CTNNA3: variants seen among roughly 807,000 people sequenced by gnomAD.
CTNNA3 encodes the protein catenin alpha 3.
In CTNNA3, 76 loss-of-function variants were observed where a neutral mutation model predicts 95.7. The ratio of observed to expected loss-of-function variants is 0.79; its 90% confidence interval spans 0.66 to 0.96. The LOEUF (loss-of-function observed/expected upper bound fraction) is 0.96. Ranked by LOEUF, CTNNA3 falls within the 40% of genes least tolerant of loss-of-function variation. The pLI is 0.00. For missense variants in CTNNA3, 1,191 were observed against 1,089.8 expected, an observed-to-expected ratio of 1.09 and a Z score of -1.31; for synonymous variants, 431 against 374.4, an observed-to-expected ratio of 1.15 and a Z score of -1.74.
At chr10:66,676,860 A>G (rs1052733968) in intron 9 of CTNNA3, among the ~76,000 whole-genome samples, 19 of 152,094 alleles carry the variant, frequency 1.2e-4, no homozygotes, top group African/African-American at 4.6e-4. Context: ...TTTTTCTACA[A>G]TGTCATAAAT....
At chr10:67,559,859 A>C (rs960593652) in intron 3 of CTNNA3, among the ~76,000 whole-genome samples, 2 of 152,232 alleles carry the variant, frequency 1.3e-5, no homozygotes, top group Non-Finnish European at 2.9e-5. Context: ...TCAGGAGCCG[A>C]TGCGATCAAC....
chr10:66,409,108 T>A (rs892181506), intron 11 of CTNNA3, among the ~76,000 whole-genome samples: 1 of 152,188 alleles, frequency 6.6e-6, no homozygotes, highest in Non-Finnish European at 1.5e-5. Flanking sequence ...TCTACATATC[T>A]CTCATATTCC....
rs376415558 is a variant in CTNNA3 at position 67,429,584 on chromosome 10, T to C, written c.579+92258A>G. ...CAACATTCCAAAATAGTCTGATCATTATTTATTTCCATTTGTATTTGCTAG... is the reference window on the plus strand; with the variant it reads ...CAACATTCCAAAATAGTCTGATCATCATTTATTTCCATTTGTATTTGCTAG... On this transcript the variant is annotated intron_variant, in intron 5 of 17. Coordinates refer to ENST00000433211, the MANE Select transcript of CTNNA3 (RefSeq NM_013266.4). Among the ~76,000 whole-genome samples, 7 of 151,182 alleles carry C rather than the reference T, an allele frequency of 4.6e-5. No individual in the cohort carries two copies. In the East Asian group the frequency reaches 1.2e-3, roughly 26 times the overall value.
At chr10:66,916,550 T>TC (rs1362161154) in intron 7 of CTNNA3, among the ~76,000 whole-genome samples, 1 of 152,188 alleles carries the variant, frequency 6.6e-6, no homozygotes, top group African/African-American at 2.4e-5. Context: ...CTTAATACTT[T>TC]CCATTTCTCA....
rs78585872 is a variant in CTNNA3 at position 66,228,663 on chromosome 10, A to T, written c.1884+51807T>A. Among the ~76,000 whole-genome samples the T allele has an allele frequency of 4.4e-4, 67 of 152,184 alleles. No homozygotes were observed. In the East Asian group the frequency reaches 0.012, roughly 28 times the overall value. ...CTTGTATATTAGGTCTATTTGGTCT[A>T]TATTGCAGTTGAAGTTTGATGTTTC... On this transcript the variant is annotated intron_variant, in intron 13 of 17. Coordinates refer to ENST00000433211, the MANE Select transcript of CTNNA3 (RefSeq NM_013266.4).
At chr10:67,643,849 C>A (rs1356756436) in intron 2 of CTNNA3, among the ~76,000 whole-genome samples, 2 of 152,090 alleles carry the variant, frequency 1.3e-5, no homozygotes, top group Non-Finnish European at 2.9e-5. Flanking sequence ...CATGTCCCTG[C>A]AAAGGACATG....
At chr10:66,168,806 G>T (rs1057097548) in intron 13 of CTNNA3, among the ~76,000 whole-genome samples, 11 of 152,038 alleles carry the variant, frequency 7.2e-5, no homozygotes, top group Admixed American at 5.2e-4. Flanking sequence ...ATCTAGACTA[G>T]CAATTGGCAG....
intron 12 of CTNNA3, among the ~76,000 whole-genome samples, chr10:66,341,076 C>T (rs2092448964): frequency 6.6e-6 from 1 of 151,846 alleles, no homozygotes; most frequent in Non-Finnish European, 1.5e-5. Context: ...TATCATCATC[C>T]TAAGAGTCTT....
chr10:66,631,622 G>A (rs1845137967), intron 9 of CTNNA3, among the ~76,000 whole-genome samples: 1 of 152,084 alleles, frequency 6.6e-6, no homozygotes, highest in Non-Finnish European at 1.5e-5. Flanking sequence ...TGAATAGGAA[G>A]AATAATTCTT....
At chr10:66,053,124 A>G (rs1245941079) in intron 15 of CTNNA3, among the ~76,000 whole-genome samples, 1 of 152,108 alleles carries the variant, frequency 6.6e-6, no homozygotes, top group Non-Finnish European at 1.5e-5. Flanking sequence ...TGTTTTTTTA[A>G]ACCAGGTACT....
In CTNNA3 at chr10:67,191,229, T is replaced by C. The variant is rs80305297; in HGVS notation, c.844-10709A>G. On this transcript the variant is annotated intron_variant, in intron 6 of 17. Transcript: ENST00000433211. ...TCCCACTCTCACCATTTCCACTTAA[T>C]ATATTCCTGGAAGTCCTAGCCAGAG... 5.0e-3 allele frequency among the ~76,000 whole-genome samples: 762 copies of C among 152,026 alleles called. 5 individuals carry two copies. Among genetic ancestry groups the C allele is most frequent in the African/African-American group, 0.018 (739 of 41,514 alleles).
chr10:66,823,223 A>G (rs1379723291), intron 7 of CTNNA3, among the ~76,000 whole-genome samples: 1 of 152,210 alleles, frequency 6.6e-6, no homozygotes, highest in Non-Finnish European at 1.5e-5. Context: ...GAGAATGCCA[A>G]TGGTAGACAT....
At chr10:66,199,426 T>C (rs1426800299) in intron 13 of CTNNA3, among the ~76,000 whole-genome samples, 2 of 151,818 alleles carry the variant, frequency 1.3e-5, no homozygotes, top group East Asian at 3.9e-4. Flanking sequence ...TTTGTGTATA[T>C]TCTTTAAAGT....
intron 11 of CTNNA3, among the ~76,000 whole-genome samples, chr10:66,419,566 T>C (rs545930195): frequency 1.3e-5 from 2 of 152,078 alleles, no homozygotes; most frequent in East Asian, 3.9e-4. Flanking sequence ...AACCAAAAAA[T>C]AACCAGAATA....
At chr10:67,394,632 C>A (rs1844649699) in intron 5 of CTNNA3, among the ~76,000 whole-genome samples, 1 of 152,056 alleles carries the variant, frequency 6.6e-6, no homozygotes, top group Non-Finnish European at 1.5e-5. Context: ...ACAATTCTCA[C>A]CTCCAGGATG....
At chr10:67,712,257 A>T (rs1841115602) in intron 1 of CTNNA3, among the ~76,000 whole-genome samples, 1 of 152,212 alleles carries the variant, frequency 6.6e-6, no homozygotes, top group African/African-American at 2.4e-5. Flanking sequence ...AAGCTTGGAA[A>T]ATTTTCAGCC....
chr10:67,191,085 C>T (rs1003278283), intron 6 of CTNNA3, among the ~76,000 whole-genome samples: 1 of 151,966 alleles, frequency 6.6e-6, no homozygotes, highest in African/African-American at 2.4e-5. Flanking sequence ...ACTGACAACA[C>T]CAAATGCTGG....
chr10:67,528,394 T>C (rs1315057649), intron 4 of CTNNA3, among the ~76,000 whole-genome samples: 2 of 152,206 alleles, frequency 1.3e-5, no homozygotes, highest in Non-Finnish European at 2.9e-5. Context: ...ACTTAGCACA[T>C]AGACCTTTCA....
At chr10:67,147,166 C>T (rs1381883765) in intron 7 of CTNNA3, among the ~76,000 whole-genome samples, 1 of 152,174 alleles carries the variant, frequency 6.6e-6, no homozygotes, top group South Asian at 2.1e-4. Flanking sequence ...ATAAATTGAC[C>T]CTGTTCAAAT....
Sources: allele counts gnomAD v4.1 joint callset (sites outside exome capture counted in the v4.1 genomes callset), GRCh38; gene constraint gnomAD v4.1.1; transcripts MANE v1.5; gene names NCBI Gene and HGNC (gene_info 2026-07-23, HGNC 2026-07-21).